The following AOPEP variants were observed in gnomAD, a reference collection of about 807,000 sequenced individuals.
AOPEP encodes the protein aminopeptidase O (putative), also known as aminopeptidase O.
AOPEP carries 77 observed loss-of-function variants against 98.1 expected under a neutral mutation model. That is an observed-to-expected ratio of 0.78 (90% CI 0.65 to 0.95). AOPEP has a LOEUF of 0.95. Among genes scored for constraint, AOPEP ranks in the 40% least tolerant of loss-of-function variants. The probability of loss-of-function intolerance (pLI) is 0.00; values close to 1 mark genes in which losing one functional copy is unlikely to be tolerated. For synonymous variants in AOPEP, 346 were observed against 365.3 expected (o/e 0.95, Z 0.60); for missense variants, 1,024 against 1,024.7 (o/e 1.00, Z 0.01).
chr9:95,042,083 C>T (rs1399773999), intron 13 of AOPEP, among the ~76,000 whole-genome samples: 6 of 152,180 alleles, frequency 3.9e-5, no homozygotes, highest in East Asian at 3.9e-4. Flanking sequence ...GAGGCCGAGG[C>T]GGGCGGATCA....
chr9:95,052,608 A>G (rs768934562), intron 13 of AOPEP, among the ~76,000 whole-genome samples: 2 of 152,248 alleles, frequency 1.3e-5, no homozygotes, highest in Non-Finnish European at 2.9e-5. Flanking sequence ...ACATTTAACC[A>G]AAGAAGAATC....
At chr9:94,923,162 A>G (rs1317623078) in intron 5 of AOPEP, among the ~76,000 whole-genome samples, 2 of 152,166 alleles carry the variant, frequency 1.3e-5, no homozygotes, top group African/African-American at 4.8e-5. Flanking sequence ...CATGGAAGAT[A>G]TTTGATGGGC....
At chr9:94,926,774 C>T (rs2054410900) in intron 6 of AOPEP, among the ~76,000 whole-genome samples, 1 of 147,598 alleles carries the variant, frequency 6.8e-6, no homozygotes, top group African/African-American at 2.5e-5. Flanking sequence ...CTCTGCAGCA[C>T]TGAGCAGTAG....
chr9:94,917,691 T>C (rs2053029090), intron 5 of AOPEP, among the ~76,000 whole-genome samples: 1 of 152,124 alleles, frequency 6.6e-6, no homozygotes, highest in Non-Finnish European at 1.5e-5. Context: ...TTCCCTAACC[T>C]CAGTTTCTCT....
At chr9:94,983,255 C>T (rs2060307256) in intron 11 of AOPEP, among the ~76,000 whole-genome samples, 1 of 152,152 alleles carries the variant, frequency 6.6e-6, no homozygotes, top group South Asian at 2.1e-4. Context: ...GAACTCCTGA[C>T]CTCATGATCC....
chr9:95,023,102 G>A (rs1016700806), intron 13 of AOPEP, among the ~76,000 whole-genome samples: 1 of 152,112 alleles, frequency 6.6e-6, no homozygotes, highest in African/African-American at 2.4e-5. Context: ...CAGACTTCAC[G>A]GGAAAACATT....
chr9:95,049,892 A>G (rs2066189964), intron 13 of AOPEP, among the ~76,000 whole-genome samples: 1 of 152,208 alleles, frequency 6.6e-6, no homozygotes, highest in Admixed American at 6.5e-5. Flanking sequence ...TTGACTATCA[A>G]GTACTTGAAA....
intron 1 of AOPEP, among the ~76,000 whole-genome samples, chr9:94,756,852 G>A (rs892360172): frequency 2.0e-5 from 3 of 151,912 alleles, no homozygotes; most frequent in African/African-American, 4.8e-5. Context: ...GCTACCCCCC[G>A]TTCTGGAAGC....
intron 16 of AOPEP, chr9:95,086,184 T>C (rs945244464): frequency 1.2e-5 from 16 of 1,314,668 alleles, no homozygotes; most frequent in East Asian, 1.0e-4. Context: ...GCGTCCACCC[T>C]GCGTCCACCC....
At chr9:94,877,843 T>C (rs1421552113) in intron 5 of AOPEP, among the ~76,000 whole-genome samples, 1 of 152,222 alleles carries the variant, frequency 6.6e-6, no homozygotes, top group East Asian at 1.9e-4. Flanking sequence ...ATCACTTGGA[T>C]AGGTTTTCTA....
chr9:94,785,216 T>A (rs1844155528), intron 3 of AOPEP, among the ~76,000 whole-genome samples: 1 of 152,226 alleles, frequency 6.6e-6, no homozygotes, highest in African/African-American at 2.4e-5. Context: ...ATTATAGGCG[T>A]GAGCCACTGC....
intron 5 of AOPEP, among the ~76,000 whole-genome samples, chr9:94,830,502 A>G (rs1053444164): frequency 1.3e-5 from 2 of 152,230 alleles, no homozygotes; most frequent in Admixed American, 6.5e-5. Flanking sequence ...CAATGAACAT[A>G]CACATGCATG....
intron 5 of AOPEP, among the ~76,000 whole-genome samples, chr9:94,812,746 T>A (rs1374859923): frequency 6.6e-6 from 1 of 152,102 alleles, no homozygotes; most frequent in African/African-American, 2.4e-5. Flanking sequence ...TCAAAGCTGG[T>A]TGAGTTGAGT....
rs1000423076 is a variant in AOPEP, at chr9:95,064,907, C to A, written c.2232+4097C>A. ...TTGATGGTTGTTACATCTCCAGATT[C>A]TAAAATTGATCCATAGTTGTGGTTC... On this transcript the variant is annotated intron_variant, in intron 14 of 16. Coordinates refer to ENST00000375315, the MANE Select transcript of AOPEP (RefSeq NM_001193329.3). 2.0e-5 allele frequency among the ~76,000 whole-genome samples: 3 copies of A among 152,326 alleles called. No homozygotes were observed. The South Asian group carries it at 6.2e-4, about 32-fold the overall frequency.
downstream of AOPEP, among the ~76,000 whole-genome samples, chr9:95,090,587 T>G (rs1199552873): frequency 6.6e-6 from 1 of 152,084 alleles, no homozygotes; most frequent in East Asian, 2.0e-4. Flanking sequence ...CACCCTGCAC[T>G]TGGTCGCCTG....
chr9:94,884,933 C>T (rs972248677), intron 5 of AOPEP, among the ~76,000 whole-genome samples: 1 of 148,660 alleles, frequency 6.7e-6, no homozygotes, highest in Non-Finnish European at 1.5e-5. Context: ...GGCGTGAACC[C>T]GGGAGGCGGA....
At chr9:95,076,709 G>A (rs2069110765) in intron 14 of AOPEP, among the ~76,000 whole-genome samples, 1 of 152,236 alleles carries the variant, frequency 6.6e-6, no homozygotes, top group Non-Finnish European at 1.5e-5. Context: ...GTGGCCACCT[G>A]CACAGTAGGG....
At chr9:94,903,623 T>TAAA (rs11375914) in intron 5 of AOPEP, among the ~76,000 whole-genome samples, 254 of 136,640 alleles carry the variant, frequency 1.9e-3, no homozygotes, top group African/African-American at 6.2e-3. Flanking sequence ...ACTCCATCTC[T>TAAA]AAAAAAAAAA....
intron 5 of AOPEP, among the ~76,000 whole-genome samples, chr9:94,805,156 G>A (rs1848975815): frequency 6.6e-6 from 1 of 152,176 alleles, no homozygotes; most frequent in African/African-American, 2.4e-5. Flanking sequence ...ACGGGTTATG[G>A]GAAGAGATCA....
Sources: gnomAD v4.1 joint callset for allele counts (sites outside exome capture counted in the v4.1 genomes callset) on GRCh38, gnomAD v4.1.1 for gene constraint, MANE v1.5 for transcripts, NCBI Gene and HGNC (gene_info 2026-07-23, HGNC 2026-07-21) for gene names.